The following CTNNA3 variants were observed in gnomAD, a reference collection of about 807,000 sequenced individuals.
CTNNA3 encodes catenin alpha-3.
In CTNNA3, 76 loss-of-function variants were observed where a neutral mutation model predicts 95.7. That is an observed-to-expected ratio of 0.79 (90% CI 0.66 to 0.96). The LOEUF is 0.96. CTNNA3 is among the 40% of genes least tolerant of loss of function. The pLI is 0.00. For synonymous variants in CTNNA3, 431 were observed against 374.4 expected (o/e 1.15, Z -1.74); for missense variants, 1,191 against 1,089.8 (o/e 1.09, Z -1.31).
At chr10:66,902,593 G>C (rs1353165847) in intron 7 of CTNNA3, among the ~76,000 whole-genome samples, 3 of 152,144 alleles carry the variant, frequency 2.0e-5, no homozygotes, top group Non-Finnish European at 2.9e-5. Flanking sequence ...GAATCCAGGA[G>C]CTGGTTTTTT....
At chr10:66,586,182 T>C (rs990778730) in intron 10 of CTNNA3, among the ~76,000 whole-genome samples, 1 of 152,134 alleles carries the variant, frequency 6.6e-6, no homozygotes, top group Non-Finnish European at 1.5e-5. Flanking sequence ...CCCAGTGGTG[T>C]GCACCTTTAA....
chr10:67,673,467 T>C (rs1840479494), intron 1 of CTNNA3, among the ~76,000 whole-genome samples: 1 of 152,050 alleles, frequency 6.6e-6, no homozygotes, highest in Admixed American at 6.5e-5. Flanking sequence ...TTCCAGTGTT[T>C]GCCCATTCGG....
intron 9 of CTNNA3, among the ~76,000 whole-genome samples, chr10:66,736,182 T>G (rs1437969022): frequency 6.6e-6 from 1 of 152,004 alleles, no homozygotes; most frequent in East Asian, 1.9e-4. Flanking sequence ...TAGTGAAAAG[T>G]GACGAATACT....
At chr10:66,671,395 C>A (rs1014032975) in intron 9 of CTNNA3, among the ~76,000 whole-genome samples, 5 of 151,770 alleles carry the variant, frequency 3.3e-5, no homozygotes, top group Admixed American at 6.6e-5. Context: ...ATGCATTACC[C>A]AAGAAAGAGA....
At chr10:67,690,345 A>G (rs145729533) in intron 1 of CTNNA3, among the ~76,000 whole-genome samples, 1,879 of 152,280 alleles carry the variant, frequency 0.012, 36 homozygotes, top group African/African-American at 0.043. Context: ...TTTATTATGA[A>G]GAGTGAAAGA....
chr10:65,940,882 A>T (rs2077419378), intron 17 of CTNNA3, among the ~76,000 whole-genome samples: 1 of 152,210 alleles, frequency 6.6e-6, no homozygotes, highest in Admixed American at 6.5e-5. Context: ...GTTTCATGTG[A>T]AGTATTTAAG....
At chr10:67,321,536 A>G (rs2132553389) in intron 5 of CTNNA3, among the ~76,000 whole-genome samples, 2 of 152,304 alleles carry the variant, frequency 1.3e-5, no homozygotes, top group South Asian at 4.1e-4. Context: ...AAAGAAATCC[A>G]CATCAGATCC....
At chr10:66,826,212 C>T (rs1325951998) in intron 7 of CTNNA3, among the ~76,000 whole-genome samples, 1 of 152,072 alleles carries the variant, frequency 6.6e-6, no homozygotes, top group East Asian at 1.9e-4. Context: ...GCAATTTACC[C>T]TGTGTCAATG....
chr10:67,260,941 T>C (rs963872575), intron 5 of CTNNA3, among the ~76,000 whole-genome samples: 1 of 152,144 alleles, frequency 6.6e-6, no homozygotes, highest in Non-Finnish European at 1.5e-5. Flanking sequence ...CACCTTGGCC[T>C]CCCAAAGTGC....
chr10:67,658,201 G>T (rs1438173311), intron 1 of CTNNA3, among the ~76,000 whole-genome samples: 2 of 152,128 alleles, frequency 1.3e-5, no homozygotes, highest in South Asian at 4.1e-4. Flanking sequence ...ATAAATTACT[G>T]ATCTTTCCTG....
At chr10:67,348,030 C>G (rs1462347322) in intron 5 of CTNNA3, among the ~76,000 whole-genome samples, 1 of 152,134 alleles carries the variant, frequency 6.6e-6, no homozygotes, top group Non-Finnish European at 1.5e-5. Flanking sequence ...TGATCTTCAA[C>G]AAGGGTGCCA....
intron 7 of CTNNA3, among the ~76,000 whole-genome samples, chr10:67,126,523 C>T (rs1859730173): frequency 6.6e-6 from 1 of 152,190 alleles, no homozygotes; most frequent in Admixed American, 6.5e-5. Flanking sequence ...TGCACTCCAG[C>T]CTGGGCAACA....
At chr10:67,241,207 G>T (rs1183346761) in intron 5 of CTNNA3, among the ~76,000 whole-genome samples, 1 of 152,082 alleles carries the variant, frequency 6.6e-6, no homozygotes, top group Non-Finnish European at 1.5e-5. Context: ...GATCACCTGA[G>T]GTCAGGAGTT....
intron 11 of CTNNA3, among the ~76,000 whole-genome samples, chr10:66,467,981 A>C (rs1838987133): frequency 6.6e-6 from 1 of 152,060 alleles, no homozygotes; most frequent in Non-Finnish European, 1.5e-5. Context: ...TTCTTAGCGT[A>C]ATAGTAAGTA....
In CTNNA3 at chr10:67,426,748, A is replaced by G. The variant is rs181001247; in HGVS notation, c.579+95094T>C. On this transcript the variant is annotated intron_variant, in intron 5 of 17. Coordinates refer to ENST00000433211, the MANE Select transcript of CTNNA3 (RefSeq NM_013266.4). Reference sequence around the variant, plus strand: ...TGCAGCAAACCAACATGGCACATGTATACCTATGTAACAAACCTGCATGTT... The same window carrying G: ...TGCAGCAAACCAACATGGCACATGTGTACCTATGTAACAAACCTGCATGTT... Among the ~76,000 whole-genome samples the G allele has an allele frequency of 2.2e-3, 328 of 152,078 alleles. 2 individuals carry two copies. Among genetic ancestry groups the G allele is most frequent in the African/African-American group, 7.6e-3 (315 of 41,504 alleles).
At chr10:67,424,759 C>T (rs1045427412) in intron 5 of CTNNA3, among the ~76,000 whole-genome samples, 6 of 151,958 alleles carry the variant, frequency 3.9e-5, no homozygotes, top group Admixed American at 3.3e-4. Flanking sequence ...TTATGCTCAT[C>T]GACTAAATTG....
intron 11 of CTNNA3, among the ~76,000 whole-genome samples, chr10:66,459,332 A>C (rs1046620553): frequency 6.6e-6 from 1 of 152,130 alleles, no homozygotes; most frequent in Non-Finnish European, 1.5e-5. Context: ...GTTTTGAGGG[A>C]GTTGAAAGTT....
At chr10:67,528,103 C>A (rs1033828849) in intron 4 of CTNNA3, among the ~76,000 whole-genome samples, 1 of 152,084 alleles carries the variant, frequency 6.6e-6, no homozygotes, top group Non-Finnish European at 1.5e-5. Flanking sequence ...ATTTAAAGGG[C>A]ACTCATTTTT....
intron 13 of CTNNA3, among the ~76,000 whole-genome samples, chr10:66,269,669 C>T (rs1337710128): frequency 2.0e-5 from 3 of 151,956 alleles, no homozygotes; most frequent in Non-Finnish European, 1.5e-5. Context: ...CTTATAACAC[C>T]AAGGGACTGA....
Sources: gnomAD v4.1 joint callset for allele counts (sites outside exome capture counted in the v4.1 genomes callset) on GRCh38, gnomAD v4.1.1 for gene constraint, MANE v1.5 for transcripts, NCBI Gene and HGNC (gene_info 2026-07-23, HGNC 2026-07-21) for gene names.